CHSY3: variants seen among roughly 807,000 people sequenced by gnomAD.
CHSY3 encodes N-acetylgalactosaminyl-proteoglycan 3-beta-glucuronosyltransferase 3.
A neutral mutation model predicts 67.2 loss-of-function variants in CHSY3; 35 were observed. That is an observed-to-expected ratio of 0.52 (90% CI 0.40 to 0.69). The LOEUF is 0.69. Among genes scored for constraint, CHSY3 ranks in the 30% least tolerant of loss-of-function variants. The pLI, the probability that CHSY3 is intolerant of heterozygous loss-of-function variation, is 0.00. For synonymous variants in CHSY3, 474 were observed against 434.7 expected, an observed-to-expected ratio of 1.09 and a Z score of -1.12; for missense variants, 1,069 against 1,138.5, an observed-to-expected ratio of 0.94 and a Z score of 0.88.
chr5:130,019,993 T>A (rs1466250432), intron 2 of CHSY3, among the ~76,000 whole-genome samples: 1 of 152,190 alleles, frequency 6.6e-6, no homozygotes, highest in African/African-American at 2.4e-5. Context: ...AGCTTTGTAC[T>A]GAGGAATATT....
At chr5:130,007,891 C>T (rs1408014716) in intron 2 of CHSY3, among the ~76,000 whole-genome samples, 1 of 152,190 alleles carries the variant, frequency 6.6e-6, no homozygotes, top group Non-Finnish European at 1.5e-5. Flanking sequence ...GCCACACCCT[C>T]TTGCAGCACA....
At chr5:129,969,396 A>G (rs1762569645) in intron 2 of CHSY3, among the ~76,000 whole-genome samples, 1 of 151,910 alleles carries the variant, frequency 6.6e-6, no homozygotes, top group African/African-American at 2.4e-5. Context: ...GTAATTAAAT[A>G]GATCATGTTT....
intron 2 of CHSY3, among the ~76,000 whole-genome samples, chr5:130,041,819 A>T (rs900013503): frequency 6.6e-6 from 1 of 152,170 alleles, no homozygotes; most frequent in African/African-American, 2.4e-5. Context: ...AATGTTTAAA[A>T]ATGTGAAAGT....
chr5:130,132,304 A>G (rs1459625017), intron 2 of CHSY3, among the ~76,000 whole-genome samples: 1 of 152,240 alleles, frequency 6.6e-6, no homozygotes, highest in African/African-American at 2.4e-5. Flanking sequence ...TTCCTGGTGC[A>G]TTCATAAATT....
intron 2 of CHSY3, chr5:130,002,222 T>A (rs768130497): frequency 5.2e-6 from 1 of 193,990 alleles, no homozygotes. Flanking sequence ...ATAGGTTTTA[T>A]TGGGAAAACC....
intron 2 of CHSY3, among the ~76,000 whole-genome samples, chr5:130,041,671 T>C (rs1329671502): frequency 1.3e-5 from 2 of 152,106 alleles, no homozygotes; most frequent in East Asian, 3.9e-4. Context: ...TATAAAATAC[T>C]ATAAAATGTT....
chr5:129,973,610 T>C (rs963523081), intron 2 of CHSY3, among the ~76,000 whole-genome samples: 3 of 152,128 alleles, frequency 2.0e-5, no homozygotes, highest in Non-Finnish European at 2.9e-5. Context: ...AAATTTGCAG[T>C]AGTCTATATT....
Position 130,184,850 on chromosome 5 carries a change from C to G in CHSY3, c.1708C>G (p.Pro570Ala), listed in dbSNP as rs763279869. Reference protein sequence around the residue: ...HAYLQQLFSKPFFRETEELDV... With the variant: ...HAYLQQLFSKAFFRETEELDV... ...CTATCTTCAGCAGTTGTTCAGCAAG[C>G]CTTTCTTCAGAGAGACCGAAGAGCT... is the stretch of plus-strand genomic sequence containing the variant. Residue 570 changes from proline to alanine, a missense_variant, in exon 3 of 3, where the codon CCT becomes GCT. Physicochemically the swap from Pro to Ala is conservative, Grantham distance 27. Transcript: ENST00000305031. The G allele has an allele frequency of 3.1e-6, 5 of 1,606,496 alleles. No individual in the cohort carries two copies. In the East Asian group the frequency reaches 6.7e-5, roughly 21 times the overall value.
rs570842182 is a variant in CHSY3 at position 130,126,082 on chromosome 5, C to T, written c.1087-58147C>T. ...CTTTTTTATTGCTCCTTGATGAATG[C>T]TATTCTAATTAATAATCACATTTTG... On this transcript the variant is annotated intron_variant, in intron 2 of 2. Transcript: ENST00000305031. Among the ~76,000 whole-genome samples the T allele has an allele frequency of 1.5e-3, 233 of 152,174 alleles. 2 individuals are homozygous for T. The highest frequency in any genetic ancestry group is 5.3e-3 in the African/African-American group (221 of 41,518).
chr5:130,079,110 G>C (rs1766367048), intron 2 of CHSY3, among the ~76,000 whole-genome samples: 1 of 152,084 alleles, frequency 6.6e-6, no homozygotes, highest in African/African-American at 2.4e-5. Flanking sequence ...GTATTTGAAG[G>C]AAAACATCGT....
At chr5:130,001,612 T>G (rs893389264) in intron 2 of CHSY3, 3 of 865,096 alleles carry the variant, frequency 3.5e-6, no homozygotes, top group Non-Finnish European at 1.4e-6. Context: ...CTGTGAGAAT[T>G]TATGTGTTGT....
At chr5:129,981,440 G>A (rs993777009) in intron 2 of CHSY3, among the ~76,000 whole-genome samples, 15 of 151,730 alleles carry the variant, frequency 9.9e-5, no homozygotes, top group African/African-American at 3.6e-4. Flanking sequence ...TGGACTTTCT[G>A]CAGATGATCA....
At chr5:130,024,137 C>CAA (rs5871376) in intron 2 of CHSY3, among the ~76,000 whole-genome samples, 3,672 of 109,970 alleles carry the variant, frequency 0.033, 255 homozygotes, top group African/African-American at 0.1. Flanking sequence ...GATTGATGGT[C>CAA]AAAAAAAAAA....
intron 2 of CHSY3, among the ~76,000 whole-genome samples, chr5:129,972,577 A>G (rs1420517966): frequency 6.6e-6 from 1 of 151,854 alleles, no homozygotes; most frequent in Non-Finnish European, 1.5e-5. Context: ...TGCATCATGA[A>G]AACAGCTACT....
intron 2 of CHSY3, among the ~76,000 whole-genome samples, chr5:130,159,549 C>T (rs1325824593): frequency 6.6e-6 from 1 of 152,144 alleles, no homozygotes; most frequent in Non-Finnish European, 1.5e-5. Flanking sequence ...TTTTCTTTTA[C>T]TTATTGTGCA....
chr5:130,138,038 T>C (rs762275955), intron 2 of CHSY3, among the ~76,000 whole-genome samples: 4 of 152,112 alleles, frequency 2.6e-5, no homozygotes, highest in Admixed American at 2.0e-4. Flanking sequence ...AAACTCTGTG[T>C]GTTAATATTG....
chr5:129,933,211 C>G (rs1399128837), intron 2 of CHSY3, among the ~76,000 whole-genome samples: 1 of 152,240 alleles, frequency 6.6e-6, no homozygotes, highest in Admixed American at 6.5e-5. Flanking sequence ...TGACCCGGTG[C>G]AAACTCTGTT....
At chr5:129,989,364 T>G (rs925571063) in intron 2 of CHSY3, among the ~76,000 whole-genome samples, 1 of 150,654 alleles carries the variant, frequency 6.6e-6, no homozygotes, top group Middle Eastern at 3.4e-3. Flanking sequence ...GGGGTTCAAG[T>G]GATTCTCCTG....
intron 2 of CHSY3, among the ~76,000 whole-genome samples, chr5:130,102,195 C>T (rs911787641): frequency 6.6e-6 from 1 of 151,962 alleles, no homozygotes; most frequent in African/African-American, 2.4e-5. Context: ...AAGAACAAAA[C>T]ATCAAGATTC....
Sources: allele counts gnomAD v4.1 joint callset (sites outside exome capture counted in the v4.1 genomes callset), GRCh38; gene constraint gnomAD v4.1.1; transcripts MANE v1.5; gene names NCBI Gene and HGNC (gene_info 2026-07-23, HGNC 2026-07-21).